The following MTMR3 variants were observed in gnomAD, a reference collection of about 807,000 sequenced individuals.
MTMR3 encodes the protein phosphatidylinositol-3,5-bisphosphate 3-phosphatase MTMR3.
A neutral mutation model predicts 132.4 loss-of-function variants in MTMR3; 32 were observed. The observed-to-expected ratio is 0.24, with a 90% confidence interval of 0.18 to 0.32. MTMR3 has a LOEUF of 0.32. MTMR3 is among the 10% of genes least tolerant of loss of function. The pLI, the probability that MTMR3 is intolerant of heterozygous loss-of-function variation, is 1.00. For synonymous variants in MTMR3, 556 were observed against 550.3 expected (o/e 1.01, Z -0.14); for missense variants, 1,216 against 1,489.6 (o/e 0.82, Z 3.02).
intron 1 of MTMR3, among the ~76,000 whole-genome samples, chr22:29,910,234 C>A (rs777863767): frequency 6.6e-6 from 1 of 151,968 alleles, no homozygotes; most frequent in South Asian, 2.1e-4. Context: ...TGTAGGTCAT[C>A]GTTTAAAATC....
intron 1 of MTMR3, among the ~76,000 whole-genome samples, chr22:29,919,325 A>G (rs1298240129): frequency 6.6e-6 from 1 of 152,178 alleles, no homozygotes; most frequent in Non-Finnish European, 1.5e-5. Context: ...ATTTTGTCTT[A>G]CCATGGATTT....
At chr22:30,000,907 A>G (rs1016904923) in intron 8 of MTMR3, 2 of 152,190 alleles carry the variant, frequency 1.3e-5, no homozygotes, top group African/African-American at 4.8e-5. Context: ...CTATAGGACA[A>G]TGAACAGAAT....
At chr22:29,923,348 A>G (rs942174953) in intron 1 of MTMR3, among the ~76,000 whole-genome samples, 3 of 151,398 alleles carry the variant, frequency 2.0e-5, no homozygotes, top group African/African-American at 7.3e-5. Flanking sequence ...CTGGGATTAC[A>G]GGTGTGAGCC....
intron 1 of MTMR3, among the ~76,000 whole-genome samples, chr22:29,923,398 T>C (rs936776963): frequency 6.6e-6 from 1 of 151,484 alleles, no homozygotes; most frequent in Non-Finnish European, 1.5e-5. Context: ...AGACATAGGG[T>C]TTTGCCATGT....
chr22:30,020,461 T>A lies in MTMR3; in HGVS notation c.2802T>A (p.Thr934=). ...TTGTGTGCAATGGTGCCCCAGAGAC[T>A]GAAAACAGGGCCTCAGAGCAGCCCC... is the stretch of plus-strand genomic sequence containing the variant. ...EGLVCNGAPE[T]ENRASEQPPG... The change falls in exon 17 of 20, where the codon ACT becomes ACA. Residue 934 remains threonine, a synonymous_variant. Coordinates refer to ENST00000401950, the MANE Select transcript of MTMR3 (RefSeq NM_021090.4). The A allele has an allele frequency of 6.2e-7, 1 of 1,614,110 alleles. No individual in the cohort carries two copies. The highest frequency in any genetic ancestry group is 8.5e-7 in the Non-Finnish European group (1 of 1,180,014).
At chr22:29,979,233 C>CT in intron 5 of MTMR3, 181 bp downstream of exon 5, 1 of 456,910 alleles carries the variant, frequency 2.2e-6, no homozygotes, top group South Asian at 2.2e-5. Context: ...TGGCTCACGC[C>CT]TGTAATCCCA....
intron 5 of MTMR3, chr22:29,986,308 C>T (rs532853204): frequency 3.9e-5 from 6 of 152,398 alleles, no homozygotes; most frequent in Non-Finnish European, 8.8e-5. Context: ...GCCAGTCTGG[C>T]AGCCACATTT....
At chr22:29,963,422 G>A (rs1452585389) in intron 2 of MTMR3, among the ~76,000 whole-genome samples, 3 of 130,514 alleles carry the variant, frequency 2.3e-5, no homozygotes, top group Non-Finnish European at 3.2e-5. Context: ...GATGAGTCTT[G>A]CTCTGTCACC....
chr22:29,970,029 G>A (rs1288253251), intron 2 of MTMR3, among the ~76,000 whole-genome samples: 1 of 152,142 alleles, frequency 6.6e-6, no homozygotes, highest in African/African-American at 2.4e-5. Flanking sequence ...AGAAATGTTG[G>A]TTTTGCATGA....
At chr22:30,019,030 A>C (rs2067674663) in intron 16 of MTMR3, 1 of 155,266 alleles carries the variant, frequency 6.4e-6, no homozygotes, top group Non-Finnish European at 1.4e-5. Flanking sequence ...ATGGTGAAAC[A>C]CCCATCTCTA....
chr22:29,978,310 T>G, intron 3 of MTMR3, 132 bp from the exon 4 acceptor site: 1 of 601,196 alleles, frequency 1.7e-6, no homozygotes, highest in Non-Finnish European at 2.9e-6. Context: ...CAATATTGTT[T>G]CCTTGAGCTT....
chr22:29,982,759 TC>T (rs2066774126), intron 5 of MTMR3: 1 of 152,216 alleles, frequency 6.6e-6, no homozygotes, highest in Non-Finnish European at 1.5e-5. Context: ...AATATCAAGT[TC>T]CAGTTCCTGT....
Position 30,025,911 on chromosome 22 carries a change from C to T in MTMR3, c.*110C>T. 2 of 1,149,984 alleles carry T rather than the reference C, an allele frequency of 1.7e-6. No individual in the cohort carries two copies. Among genetic ancestry groups the T allele is most frequent in the Non-Finnish European group, 2.5e-6 (2 of 787,432 alleles). The allele number at this position is 1,149,984 out of a possible 1,614,324, so 71.2% of individuals were successfully genotyped here. A position where few individuals can be genotyped will look rare whatever the true frequency, so the allele number is the denominator to read the frequency against. The stretch of plus-strand genomic sequence containing the variant: ...ACTTTGGAATGGGAGCGTGGAACCA[C>T]CTGTACAGAGTGACAGATTTGGGAT... On this transcript the variant is annotated 3_prime_UTR_variant, in exon 20 of 20. Transcript: ENST00000401950.
At chr22:29,965,685 A>G (rs2066401563) in intron 2 of MTMR3, among the ~76,000 whole-genome samples, 1 of 152,208 alleles carries the variant, frequency 6.6e-6, no homozygotes, top group African/African-American at 2.4e-5. Flanking sequence ...ACTCTGTCTC[A>G]AAAACAAAAC....
intron 1 of MTMR3, among the ~76,000 whole-genome samples, chr22:29,911,205 T>G (rs1486891979): frequency 6.6e-6 from 1 of 152,110 alleles, no homozygotes; most frequent in Non-Finnish European, 1.5e-5. Context: ...TGAAGTTTTT[T>G]TCCTTGTTTC....
At chr22:30,008,248 C>A in intron 11 of MTMR3, 1 of 514,422 alleles carries the variant, frequency 1.9e-6, no homozygotes, top group Non-Finnish European at 3.3e-6. Flanking sequence ...CATAATCTTC[C>A]TTCCTTGTGC....
In MTMR3 at chr22:30,020,087, C is replaced by T; in HGVS notation, c.2428C>T (p.Leu810Phe). The T allele has an allele frequency of 6.2e-7, 1 of 1,614,212 alleles. No individual in the cohort carries two copies. Among genetic ancestry groups the T allele is most frequent in the South Asian group, 1.1e-5 (1 of 91,080 alleles). ...TGCAGAGGGTAGGGAGGAAGCAGTT[C>T]TTCCAATCCCAGTAGATGCAAAAGT... ...EIAEGREEAV[L>F]PIPVDAKVGY... is the part of the protein sequence containing the mutation. The change falls in exon 17 of 20, where the codon CTT becomes TTT. Residue 810 changes from leucine (L) to phenylalanine (F), a missense_variant. Physicochemically the swap from Leu to Phe is conservative, Grantham distance 22 (BLOSUM62 0). Around this residue, in one of 7 missense-constraint regions of MTMR3, gnomAD observed 852 missense variants for 852.0 expected, o/e 1.00. Transcript: ENST00000401950.
At chr22:29,992,776 T>C (rs954143020) in intron 7 of MTMR3, 3 of 152,242 alleles carry the variant, frequency 2.0e-5, no homozygotes, top group Non-Finnish European at 4.4e-5. Flanking sequence ...CTTTTGTTAC[T>C]TTGTTCTCTG....
intron 1 of MTMR3, among the ~76,000 whole-genome samples, chr22:29,912,041 A>C (rs923897714): frequency 2.0e-5 from 3 of 152,172 alleles, no homozygotes; most frequent in African/African-American, 7.2e-5. Context: ...ACTCGGTGAA[A>C]AGTCAGACAA....
Sources: allele counts gnomAD v4.1 joint callset (sites outside exome capture counted in the v4.1 genomes callset), GRCh38; gene constraint gnomAD v4.1.1; regional missense constraint gnomAD v4.1.1; transcripts MANE v1.5; gene names NCBI Gene and HGNC (gene_info 2026-07-23, HGNC 2026-07-21).